The following RAB14 variants were observed in gnomAD, a reference collection of about 807,000 sequenced individuals.
RAB14 encodes ras-related protein Rab-14.
Under a neutral mutation model 31.1 loss-of-function variants are expected in RAB14, and 3 were observed. The observed-to-expected ratio is 0.10, with a 90% CI of 0.04 to 0.25. RAB14 has a LOEUF of 0.25. Among genes scored for constraint, RAB14 ranks in the 10% least tolerant of loss-of-function variants. RAB14 has a pLI of 1.00. For missense variants in RAB14, 111 were observed against 260.1 expected (o/e 0.43, Z 3.94); for synonymous variants, 85 against 84.9 (o/e 1.00, Z 0.00).
At chr9:121,192,056 T>TA (rs2053689812) in intron 3 of RAB14, 115 bp downstream of exon 3, 1 of 715,616 alleles carries the variant, frequency 1.4e-6, no homozygotes, top group East Asian at 2.8e-5. Context: ...AAAGTACAAA[T>TA]ATAGGGAAAG....
chr9:121,183,897 A>G (rs2053646376), intron 5 of RAB14, among the ~76,000 whole-genome samples: 1 of 152,174 alleles, frequency 6.6e-6, no homozygotes, highest in Admixed American at 6.5e-5. Flanking sequence ...ATACCTTGAA[A>G]TACTGTAAAT....
At position 121,181,805 on chromosome 9, in the gene RAB14, TG is replaced by T. The variant is rs534631812; in HGVS notation, c.471-233del. Among the ~76,000 whole-genome samples the T allele has an allele frequency of 7.2e-5, 10 of 138,242 alleles. No individual in the cohort carries two copies. In the South Asian group the frequency reaches 2.6e-3, roughly 36 times the overall value. The allele number at this position is 138,242 out of a possible 152,430, so 90.7% of individuals were successfully genotyped here. A position where few individuals can be genotyped will look rare whatever the true frequency, so the allele number is the denominator to read the frequency against. ...ACTCTGTCACCAGGCTGGAGTGCAGTGGCCCGATCTCAGCTCACTGCAACCT... is the reference window on the plus strand; with the variant it reads ...ACTCTGTCACCAGGCTGGAGTGCAGTGCCCGATCTCAGCTCACTGCAACCT... On this transcript the variant is annotated intron_variant, in intron 7 of 7. Transcript: ENST00000373840.
Position 121,179,746 on chromosome 9 carries a change from T to C in RAB14, c.*1650A>G, listed in dbSNP as rs1296883849. ...GTTTTGGCTTTTATTTAACATTGAC[T>C]ATACAATACTCTGGTACTACCACAT... On this transcript the variant is annotated 3_prime_UTR_variant, in exon 8 of 8. Transcript: ENST00000373840. 3 of 152,696 alleles carry C rather than the reference T, an allele frequency of 2.0e-5. No individual in the cohort carries two copies. The highest frequency in any genetic ancestry group is 7.2e-5 in the African/African-American group (3 of 41,458). The allele number at this position is 152,696 out of a possible 1,614,324, so 9.5% of individuals were successfully genotyped here.
intron 5 of RAB14, among the ~76,000 whole-genome samples, chr9:121,186,276 C>T (rs948186273): frequency 6.6e-6 from 1 of 152,282 alleles, no homozygotes; most frequent in African/African-American, 2.4e-5. Context: ...AGCACTGTGC[C>T]AGTCCCTCTA....
chr9:121,201,626 A>G lies in RAB14; in HGVS notation c.-8+13T>C, dbSNP rs1339856649. 2 of 152,346 alleles carry G rather than the reference A, an allele frequency of 1.3e-5. No homozygotes were observed. Among genetic ancestry groups the G allele is most frequent in the Non-Finnish European group, 2.9e-5 (2 of 68,290 alleles). 9.4% of individuals were successfully genotyped at this position (152,346 alleles called of 1,614,324 possible). On this transcript the variant is annotated intron_variant, in intron 1 of 7. Transcript: ENST00000373840. ...GTATCAGCCGGCCGGACACTACGGA[A>G]GGCCCGGGTTACCTGGGGGGTTGCT...
chr9:121,179,750 C>T lies in RAB14; in HGVS notation c.*1646G>A, dbSNP rs2053622925. ...TGGCTTTTATTTAACATTGACTATACAATACTCTGGTACTACCACATGTTT... is the reference window on the plus strand; with the variant it reads ...TGGCTTTTATTTAACATTGACTATATAATACTCTGGTACTACCACATGTTT... On this transcript the variant is annotated 3_prime_UTR_variant, in exon 8 of 8. Transcript: ENST00000373840. 1 of 152,762 alleles carries T rather than the reference C, an allele frequency of 6.5e-6. No individual in the cohort carries two copies. Among genetic ancestry groups the T allele is most frequent in the South Asian group, 2.1e-4 (1 of 4,832 alleles). The allele number at this position is 152,762 out of a possible 1,614,324, so 9.5% of individuals were successfully genotyped here. A position where few individuals can be genotyped will look rare whatever the true frequency, so the allele number is the denominator to read the frequency against.
At chr9:121,199,517 T>G (rs769382817) in intron 1 of RAB14, among the ~76,000 whole-genome samples, 1 of 152,202 alleles carries the variant, frequency 6.6e-6, no homozygotes, top group Non-Finnish European at 1.5e-5. Context: ...TTAATCAAGT[T>G]TCCTCCACTA....
intron 5 of RAB14, among the ~76,000 whole-genome samples, chr9:121,186,086 C>G (rs748713005): frequency 5.3e-5 from 8 of 152,152 alleles, no homozygotes; most frequent in Admixed American, 2.6e-4. Context: ...CCAAGTGAGA[C>G]ACAAGCCTTG....
intron 6 of RAB14, 106 bp downstream of exon 6, chr9:121,183,205 G>C: frequency 1.1e-6 from 1 of 904,808 alleles, no homozygotes; most frequent in Non-Finnish European, 1.7e-6. Context: ...AGATTTCTGA[G>C]TCTGCATTTA....
chr9:121,198,271 C>T (rs961582165), intron 1 of RAB14, among the ~76,000 whole-genome samples: 3 of 152,160 alleles, frequency 2.0e-5, no homozygotes, highest in African/African-American at 4.8e-5. Flanking sequence ...AAATCTCCCA[C>T]TCATAATATT....
Position 121,192,021 on chromosome 9 carries a change from T to TC in RAB14, c.106+149dup, listed in dbSNP as rs574766235. On this transcript the variant is annotated intron_variant, in intron 3 of 7. Coordinates refer to ENST00000373840, the MANE Select transcript of RAB14 (RefSeq NM_016322.4). ...CAACCCTAAAATATGCTGGCATATT[T>TC]CATTTTATCTGTACCCATTTAAAAA... The TC allele has an allele frequency of 3.4e-4, 150 of 436,850 alleles. 1 individual carries two copies. The Middle Eastern group carries it at 3.7e-3, about 11-fold the overall frequency. The allele number at this position is 436,850 out of a possible 1,614,324, so 27.1% of individuals were successfully genotyped here. A position where few individuals can be genotyped will look rare whatever the true frequency, so the allele number is the denominator to read the frequency against.
At chr9:121,189,649 C>T (rs1014372985) in intron 4 of RAB14, among the ~76,000 whole-genome samples, 1 of 152,080 alleles carries the variant, frequency 6.6e-6, no homozygotes, top group Non-Finnish European at 1.5e-5. Flanking sequence ...TAAAGTCATA[C>T]AGCAAAGAAT....
chr9:121,194,096 A>T (rs199872067), intron 1 of RAB14, among the ~76,000 whole-genome samples: 1 of 59,260 alleles, frequency 1.7e-5, no homozygotes, highest in Admixed American at 2.8e-4. Context: ...ATTATCACTC[A>T]CACACACACA....
intron 2 of RAB14, among the ~76,000 whole-genome samples, chr9:121,192,963 T>C (rs1371101463): frequency 1.3e-5 from 2 of 152,140 alleles, no homozygotes; most frequent in African/African-American, 2.4e-5. Context: ...ATATTTTATA[T>C]ATATTACACA....
At chr9:121,184,073 A>G (rs1367346648) in intron 5 of RAB14, among the ~76,000 whole-genome samples, 1 of 152,230 alleles carries the variant, frequency 6.6e-6, no homozygotes, top group Non-Finnish European at 1.5e-5. Context: ...GCTGAAGGTC[A>G]CTCAGTGAGT....
At chr9:121,199,675 AT>A (rs1329643839) in intron 1 of RAB14, among the ~76,000 whole-genome samples, 1 of 152,220 alleles carries the variant, frequency 6.6e-6, no homozygotes, top group African/African-American at 2.4e-5. Flanking sequence ...TGTAGCTTTA[AT>A]TTCAAGGGAT....
intron 5 of RAB14, among the ~76,000 whole-genome samples, chr9:121,185,281 G>A (rs2053652941): frequency 6.6e-6 from 1 of 152,034 alleles, no homozygotes; most frequent in African/African-American, 2.4e-5. Context: ...ATAACAGTGA[G>A]GTCCTGTGTA....
At chr9:121,190,952 C>A (rs1368366884) in intron 3 of RAB14, among the ~76,000 whole-genome samples, 1 of 151,998 alleles carries the variant, frequency 6.6e-6, no homozygotes, top group African/African-American at 2.4e-5. Flanking sequence ...TAGAAAGGAC[C>A]AAGCAGAAAA....
chr9:121,191,334 ATATATATATGCAT>A (rs2053685494), intron 3 of RAB14, among the ~76,000 whole-genome samples: 1 of 152,024 alleles, frequency 6.6e-6, no homozygotes, highest in South Asian at 2.1e-4. Context: ...AGCATGTTTT[ATATATATATGCAT>A]ATATTTTAGA....
Sources: allele counts gnomAD v4.1 joint callset (sites outside exome capture counted in the v4.1 genomes callset), GRCh38; gene constraint gnomAD v4.1.1; transcripts MANE v1.5; gene names NCBI Gene and HGNC (gene_info 2026-07-23, HGNC 2026-07-21).